SPTBN1: variants seen among roughly 807,000 people sequenced by gnomAD.
The protein encoded by SPTBN1 is spectrin beta, non-erythrocytic 1.
Under a neutral mutation model 266.4 loss-of-function variants are expected in SPTBN1, and 32 were observed. The ratio of observed to expected loss-of-function variants is 0.12; its 90% CI spans 0.09 to 0.16. The LOEUF is 0.16. SPTBN1 is among the 10% of genes least tolerant of loss of function. SPTBN1 has a pLI of 1.00. For missense variants in SPTBN1, 2,296 were observed against 3,067.1 expected, an observed-to-expected ratio of 0.75 and a Z score of 5.94; for synonymous variants, 1,336 against 1,162.2, an observed-to-expected ratio of 1.15 and a Z score of -3.04.
chr2:54,523,453 GGT>G (rs1670609156), intron 1 of SPTBN1, among the ~76,000 whole-genome samples: 1 of 152,132 alleles, frequency 6.6e-6, no homozygotes, highest in South Asian at 2.1e-4. Flanking sequence ...GAACATGTGG[GGT>G]GTGTTGGCTG....
At chr2:54,666,426 C>G (rs1354695831) in intron 34 of SPTBN1, among the ~76,000 whole-genome samples, 1 of 152,200 alleles carries the variant, frequency 6.6e-6, no homozygotes, top group Non-Finnish European at 1.5e-5. Context: ...ATAGTTTCCC[C>G]ATCTTTTCAG....
chr2:54,647,155 T>C lies in SPTBN1; in HGVS notation c.4891T>C (p.Leu1631=). 1 of 1,614,198 alleles carries C rather than the reference T, an allele frequency of 6.2e-7. No individual in the cohort carries two copies. Among genetic ancestry groups the C allele is most frequent in the East Asian group, 2.2e-5 (1 of 44,882 alleles). Residue 1631 remains leucine (L), a synonymous_variant, in exon 24 of 36, where the codon TTG becomes CTG. Coordinates refer to ENST00000356805, the MANE Select transcript of SPTBN1 (RefSeq NM_003128.3). The stretch of plus-strand genomic sequence containing the variant: ...GGATGAGCAGAGTGCTGTCTCCATG[T>C]TGAAGAAGCACCAGATCTTAGAACA... ...AKDEQSAVSM[L]KKHQILEQAV... is the part of the protein sequence containing the mutation.
At chr2:54,567,729 A>G (rs1408862895) in intron 2 of SPTBN1, among the ~76,000 whole-genome samples, 1 of 152,004 alleles carries the variant, frequency 6.6e-6, no homozygotes, top group Non-Finnish European at 1.5e-5. Context: ...AAATATACCT[A>G]TTTACATTTA....
Position 54,626,027 on chromosome 2 carries a change from G to C in SPTBN1, c.1437G>C (p.Gln479His). 3 of 1,614,204 alleles carry C rather than the reference G, an allele frequency of 1.9e-6. No homozygotes were observed. The highest frequency in any genetic ancestry group is 2.5e-6 in the Non-Finnish European group (3 of 1,180,046). ...TDIAAYEERV[Q>H]AVVAVARELE... ...TTGCCGCATACGAGGAGCGTGTGCA[G>C]GCTGTGGTAGCCGTGGCCAGGGAGC... is the stretch of plus-strand genomic sequence containing the variant. Residue 479 changes from glutamine (Q) to histidine (H), a missense_variant, in exon 12 of 36, where the codon CAG (glutamine) becomes CAC (histidine). Gln to His is a conservative substitution (Grantham distance 24). Around this residue, in one of 12 missense-constraint regions of SPTBN1, gnomAD observed 434 missense variants for 573.9 expected, o/e 0.76. Transcript: ENST00000356805. The surrounding 1 kb of genome is among the most constrained non-coding windows in gnomAD (Gnocchi z 4.7).
chr2:54,653,830 G>C lies in SPTBN1; in HGVS notation c.5799G>C (p.Gln1933His). 1.2e-6 allele frequency: 2 copies of C among 1,613,032 alleles called. No homozygotes were observed. The highest frequency in any genetic ancestry group is 1.7e-6 in the Non-Finnish European group (2 of 1,179,730). Residue 1933 changes from glutamine (Q) to histidine (H), a missense_variant, in exon 27 of 36, where the codon CAG (glutamine) becomes CAC (histidine). Around this residue, in one of 12 missense-constraint regions of SPTBN1, gnomAD observed 644 missense variants for 745.3 expected, o/e 0.86. Coordinates refer to ENST00000356805, the MANE Select transcript of SPTBN1 (RefSeq NM_003128.3). The surrounding 1 kb of genome is among the most constrained non-coding windows in gnomAD (Gnocchi z 5.1). Reference protein sequence around the residue: ...LMLWMEDVIRQIEAQEKPRDV... With the variant: ...LMLWMEDVIRHIEAQEKPRDV... The stretch of plus-strand genomic sequence containing the variant: ...TCTGGATGGAGGATGTCATCCGGCA[G>C]ATCGAGGCCCAGGAGAAGCCAAGGT...
At chr2:54,580,838 C>T (rs1674844941) in intron 2 of SPTBN1, among the ~76,000 whole-genome samples, 1 of 152,076 alleles carries the variant, frequency 6.6e-6, no homozygotes. Context: ...TAGCTCATCC[C>T]TGTAATTCCA....
intron 17 of SPTBN1, among the ~76,000 whole-genome samples, chr2:54,634,447 T>G (rs1007975115): frequency 6.6e-6 from 1 of 152,196 alleles, no homozygotes; most frequent in South Asian, 2.1e-4. Flanking sequence ...CCCTGTACTA[T>G]CAATAAGCAT....
At chr2:54,492,480 C>T (rs1234416348) in intron 1 of SPTBN1, among the ~76,000 whole-genome samples, 1 of 151,736 alleles carries the variant, frequency 6.6e-6, no homozygotes, top group Non-Finnish European at 1.5e-5. Flanking sequence ...TTTTACTTAA[C>T]ACCTTTTTCA....
At chr2:54,596,507 C>T (rs1164742248) in intron 2 of SPTBN1, among the ~76,000 whole-genome samples, 3 of 152,080 alleles carry the variant, frequency 2.0e-5, no homozygotes, top group East Asian at 3.9e-4. Context: ...CTGGTCTGGT[C>T]CCCGGATGGA....
intron 4 of SPTBN1, among the ~76,000 whole-genome samples, chr2:54,614,328 A>G (rs1409351353): frequency 6.6e-6 from 1 of 152,152 alleles, no homozygotes; most frequent in Non-Finnish European, 1.5e-5. Flanking sequence ...TGTACCTACA[A>G]CGGTCTCTCC....
chr2:54,592,459 A>T (rs1264733224), intron 2 of SPTBN1, among the ~76,000 whole-genome samples: 1 of 151,218 alleles, frequency 6.6e-6, no homozygotes. Flanking sequence ...ACCTTGGCTC[A>T]CCGCAACCTC....
chr2:54,655,044 C>A (rs759317983), intron 27 of SPTBN1, 26 bp from the exon 28 acceptor site: 25 of 1,601,618 alleles, frequency 1.6e-5, no homozygotes, highest in African/African-American at 2.7e-5. Flanking sequence ...GATCTCCTAA[C>A]GGAGGCATCG....
Position 54,666,050 on chromosome 2 carries a change from C to G in SPTBN1, c.6795C>G (p.Ala2265=). 1 of 1,612,550 alleles carries G rather than the reference C, an allele frequency of 6.2e-7. No individual in the cohort carries two copies. The highest frequency in any genetic ancestry group is 8.5e-7 in the Non-Finnish European group (1 of 1,179,618). ...TGAAAGAAGCTGTCTGCGAAGTGGC[C>G]CTTGATTACAAAAAGAAGAAACACG... ...VSLKEAVCEV[A]LDYKKKKHVF... Residue 2265 remains alanine, a synonymous_variant, in exon 34 of 36, where the codon GCC becomes GCG. Coordinates refer to ENST00000356805, the MANE Select transcript of SPTBN1 (RefSeq NM_003128.3).
At chr2:54,634,032 G>A (rs1678944539) in intron 17 of SPTBN1, among the ~76,000 whole-genome samples, 1 of 152,210 alleles carries the variant, frequency 6.6e-6, no homozygotes, top group Non-Finnish European at 1.5e-5. Flanking sequence ...ATGAGAAACA[G>A]CAATTGGGCA....
At position 54,501,250 on chromosome 2, in the gene SPTBN1, C is replaced by T. The variant is rs1430892375; in HGVS notation, c.-47-25122C>T. ...GCCCTTCCTTATCCCACATGAGCTA[C>T]CAGAGGCATGATAAACTGCCTCTGG... On this transcript the variant is annotated intron_variant, in intron 1 of 35. Transcript: ENST00000356805. Among the ~76,000 whole-genome samples, 4 of 152,188 alleles carry T rather than the reference C, an allele frequency of 2.6e-5. No individual in the cohort carries two copies. In the East Asian group the frequency reaches 5.8e-4, roughly 22 times the overall value.
At position 54,554,342 on chromosome 2, in the gene SPTBN1, C is replaced by T. The variant is rs1485491148; in HGVS notation, c.148+27776C>T. On this transcript the variant is annotated intron_variant, in intron 2 of 35. Coordinates refer to ENST00000356805, the MANE Select transcript of SPTBN1 (RefSeq NM_003128.3). The surrounding 1 kb of genome is among the most constrained non-coding windows in gnomAD (Gnocchi z 4.5). ...GGGCAAGGCACTGTATTTCTGTGAACCTCAGCTACCTTGGTTGCAAAATGG... is the reference window on the plus strand; with the variant it reads ...GGGCAAGGCACTGTATTTCTGTGAATCTCAGCTACCTTGGTTGCAAAATGG... Among the ~76,000 whole-genome samples the T allele has an allele frequency of 1.3e-5, 2 of 152,156 alleles. No homozygotes were observed. The highest frequency in any genetic ancestry group is 2.9e-5 in the Non-Finnish European group (2 of 68,028).
intron 7 of SPTBN1, among the ~76,000 whole-genome samples, chr2:54,618,413 C>T (rs538688997): frequency 1.3e-5 from 2 of 152,226 alleles, no homozygotes; most frequent in East Asian, 1.9e-4. Context: ...AGAGCGTGTG[C>T]GGGCAGAGCT....
intron 31 of SPTBN1, 24 bp downstream of exon 31, chr2:54,659,290 C>T (rs1342263983): frequency 5.0e-6 from 8 of 1,611,942 alleles, no homozygotes; most frequent in Non-Finnish European, 6.8e-6. Flanking sequence ...GCTCCAGAGG[C>T]TGGACCCTTA....
chr2:54,668,554 T>C lies in SPTBN1; in HGVS notation c.7080T>C (p.Phe2360=). The change falls in exon 36 of 36, where the codon TTT becomes TTC. Residue 2360 remains phenylalanine (F), a synonymous_variant. Transcript: ENST00000356805. ...EKDKEKRFSL[F]GKKK is the part of the protein sequence containing the mutation. ...ACAAAGAGAAGCGGTTCAGCCTTTT[T>C]GGCAAAAAGAAATGAACTCCTTTCC... The C allele has an allele frequency of 6.2e-7, 1 of 1,613,512 alleles. No homozygotes were observed. Among genetic ancestry groups the C allele is most frequent in the Non-Finnish European group, 8.5e-7 (1 of 1,179,682 alleles).
Sources: allele counts gnomAD v4.1 joint callset (sites outside exome capture counted in the v4.1 genomes callset), GRCh38; gene constraint gnomAD v4.1.1; regional missense constraint gnomAD v4.1.1; non-coding constraint Gnocchi (gnomAD v3.1); transcripts MANE v1.5; gene names NCBI Gene and HGNC (gene_info 2026-07-23, HGNC 2026-07-21).